The following COL24A1 variants were observed in gnomAD, a reference collection of about 807,000 sequenced individuals.
COL24A1 encodes the protein collagen type XXIV alpha 1 chain.
Under a neutral mutation model 253.9 loss-of-function variants are expected in COL24A1, and 224 were observed. That is an observed-to-expected ratio of 0.88 (90% CI 0.79 to 0.99). The LOEUF (loss-of-function observed/expected upper bound fraction) is 0.99, where lower values mean the gene tolerates loss of function less well. Among genes scored for constraint, COL24A1 ranks in the 50% least tolerant of loss-of-function variants. The pLI is 0.00. For missense variants in COL24A1, 2,131 were observed against 2,068.5 expected (o/e 1.03, Z -0.59); for synonymous variants, 685 against 673.7 (o/e 1.02, Z -0.26).
intron 24 of COL24A1, among the ~76,000 whole-genome samples, chr1:85,948,431 G>C (rs1689544011): frequency 6.8e-6 from 1 of 147,598 alleles, no homozygotes; most frequent in Non-Finnish European, 1.5e-5. Flanking sequence ...GGCTGAGGCA[G>C]GAGAATGGCG....
chr1:86,084,727 A>T lies in COL24A1; in HGVS notation c.1707+4447T>A, dbSNP rs145248267. Among the ~76,000 whole-genome samples the T allele has an allele frequency of 3.5e-3, 533 of 152,290 alleles. 5 individuals are homozygous for T. The highest frequency in any genetic ancestry group is 0.012 in the African/African-American group (513 of 41,560). On this transcript the variant is annotated intron_variant, in intron 7 of 59. Coordinates refer to ENST00000370571, the MANE Select transcript of COL24A1 (RefSeq NM_152890.7). ...TCAATCATATGAGCCAGACTGAGGGAAATATCTTTGGACACAGGGAAGTTT... is the reference window on the plus strand; with the variant it reads ...TCAATCATATGAGCCAGACTGAGGGTAATATCTTTGGACACAGGGAAGTTT...
chr1:85,961,342 G>T (rs1234632128), intron 23 of COL24A1, 49 bp from the exon 24 acceptor site: 1 of 1,368,438 alleles, frequency 7.3e-7, no homozygotes, highest in South Asian at 1.2e-5. Flanking sequence ...TTTCAAACTA[G>T]ATTATTCATG....
At chr1:85,903,252 G>A (rs1247533101) in intron 28 of COL24A1, among the ~76,000 whole-genome samples, 1 of 152,182 alleles carries the variant, frequency 6.6e-6, no homozygotes, top group East Asian at 1.9e-4. Context: ...AAAGCCTAAA[G>A]TTGCTAGTTA....
intron 55 of COL24A1, among the ~76,000 whole-genome samples, chr1:85,748,589 G>A (rs1479982885): frequency 6.6e-6 from 1 of 151,062 alleles, no homozygotes; most frequent in East Asian, 2.0e-4. Flanking sequence ...CCACGCAGAA[G>A]ACGGGTGATT....
chr1:86,137,918 C>T (rs909889376), intron 2 of COL24A1, among the ~76,000 whole-genome samples: 10 of 152,256 alleles, frequency 6.6e-5, no homozygotes, highest in African/African-American at 2.4e-4. Context: ...TAGATTATGC[C>T]AGTCTTCTGA....
intron 11 of COL24A1, among the ~76,000 whole-genome samples, chr1:86,048,336 T>C (rs1208082282): frequency 2.0e-5 from 3 of 152,208 alleles, no homozygotes; most frequent in African/African-American, 7.2e-5. Flanking sequence ...TCTGCTTTTT[T>C]GTACTTAAAC....
At chr1:85,801,533 T>C (rs925444217) in intron 47 of COL24A1, among the ~76,000 whole-genome samples, 1 of 152,252 alleles carries the variant, frequency 6.6e-6, no homozygotes, top group Non-Finnish European at 1.5e-5. Context: ...CTCAACTTGA[T>C]TCTAGTAACA....
intron 19 of COL24A1, among the ~76,000 whole-genome samples, chr1:85,989,640 C>A (rs1694056238): frequency 6.6e-6 from 1 of 152,154 alleles, no homozygotes. Flanking sequence ...ACACAGTTTA[C>A]AGGGTCTTTC....
At position 85,755,989 on chromosome 1, in the gene COL24A1, C is replaced by T. The variant is rs184596208; in HGVS notation, c.4437+5407G>A. ...CCCAACGGATGGAAAAAAATAACTG[C>T]AAATTGTCTTTCTGGTAAAGGATTA... On this transcript the variant is annotated intron_variant, in intron 55 of 59. Transcript: ENST00000370571. Among the ~76,000 whole-genome samples the T allele has an allele frequency of 2.9e-4, 36 of 122,494 alleles. No individual in the cohort carries two copies. In the East Asian group the frequency reaches 7.8e-3, roughly 27 times the overall value. The allele number at this position is 122,494 out of a possible 152,430, so 80.4% of individuals were successfully genotyped here.
chr1:86,012,372 G>A lies in COL24A1; in HGVS notation c.2310+4779C>T, dbSNP rs948534148. 2.8e-4 allele frequency among the ~76,000 whole-genome samples: 43 copies of A among 152,178 alleles called. 1 individual carries two copies. Among genetic ancestry groups the A allele is most frequent in the Middle Eastern group, 3.4e-3 (1 of 294 alleles). On this transcript the variant is annotated intron_variant, in intron 19 of 59. Coordinates refer to ENST00000370571, the MANE Select transcript of COL24A1 (RefSeq NM_152890.7). The stretch of plus-strand genomic sequence containing the variant: ...TGGGAGGCCGAGGTGGGCAGATCAC[G>A]AGGTCAGGAGATCAAGACTATCCCG...
At chr1:85,869,907 T>G (rs972825895) in intron 35 of COL24A1, among the ~76,000 whole-genome samples, 1 of 152,058 alleles carries the variant, frequency 6.6e-6, no homozygotes, top group African/African-American at 2.4e-5. Flanking sequence ...ACTGGCAAAC[T>G]GGATAAAGAG....
At chr1:86,120,678 T>C (rs943745248) in intron 3 of COL24A1, among the ~76,000 whole-genome samples, 2 of 152,218 alleles carry the variant, frequency 1.3e-5, no homozygotes, top group Non-Finnish European at 2.9e-5. Flanking sequence ...ATAGGAATGC[T>C]CTTACACTGT....
intron 5 of COL24A1, among the ~76,000 whole-genome samples, chr1:86,110,393 T>A (rs1390328671): frequency 2.0e-5 from 3 of 152,022 alleles, no homozygotes; most frequent in African/African-American, 7.2e-5. Context: ...TATTGAGAGG[T>A]GACAACATGC....
chr1:85,737,253 A>G, intron 58 of COL24A1, 143 bp downstream of exon 58: 1 of 501,686 alleles, frequency 2.0e-6, no homozygotes, highest in Non-Finnish European at 3.5e-6. Flanking sequence ...AAAATAACAT[A>G]TTTATTTCTC....
At chr1:86,057,547 C>G (rs529317665) in intron 10 of COL24A1, among the ~76,000 whole-genome samples, 10 of 152,072 alleles carry the variant, frequency 6.6e-5, no homozygotes, top group Non-Finnish European at 1.2e-4. Flanking sequence ...TTTCTTTACT[C>G]CTGACAGTTT....
Position 85,730,649 on chromosome 1 carries a change from G to T in COL24A1, c.5042C>A (p.Thr1681Asn), listed in dbSNP as rs1216342508. Residue 1681 changes from threonine to asparagine, a missense_variant, in exon 60 of 60, where the codon ACC becomes AAC. Coordinates refer to ENST00000370571, the MANE Select transcript of COL24A1 (RefSeq NM_152890.7). ...CACTGGAAGTTGATTAGGTTCCTGG[G>T]TGTGAAAAAGAAATGTTGCCTTATG... ...SWHKATFLFH[T>N]QEPNQLPVIE... is the part of the protein sequence containing the mutation. The T allele has an allele frequency of 6.2e-7, 1 of 1,614,000 alleles. No homozygotes were observed. Among genetic ancestry groups the T allele is most frequent in the Admixed American group, 1.7e-5 (1 of 60,022 alleles).
At chr1:85,978,041 C>G (rs911370560) in intron 20 of COL24A1, among the ~76,000 whole-genome samples, 1 of 152,154 alleles carries the variant, frequency 6.6e-6, no homozygotes, top group African/African-American at 2.4e-5. Context: ...TCAGCAGAAA[C>G]CCTACAAGCC....
At chr1:85,733,829 C>T (rs569470761) in intron 59 of COL24A1, among the ~76,000 whole-genome samples, 4 of 151,706 alleles carry the variant, frequency 2.6e-5, no homozygotes, top group Admixed American at 6.6e-5. Flanking sequence ...AACCACCCGC[C>T]TCAGCCTCCC....
At chr1:85,848,229 C>T (rs1677358119) in intron 38 of COL24A1, among the ~76,000 whole-genome samples, 1 of 152,196 alleles carries the variant, frequency 6.6e-6, no homozygotes. Context: ...CTTGAAAAAT[C>T]TGCAACATTT....
Sources: gnomAD v4.1 joint callset for allele counts (sites outside exome capture counted in the v4.1 genomes callset) on GRCh38, gnomAD v4.1.1 for gene constraint, MANE v1.5 for transcripts, NCBI Gene and HGNC (gene_info 2026-07-23, HGNC 2026-07-21) for gene names.